MYO3A: variants seen among roughly 807,000 people sequenced by gnomAD.
MYO3A encodes the protein myosin-IIIa.
MYO3A carries 180 observed loss-of-function variants against 192.7 expected under a neutral mutation model. The ratio of observed to expected loss-of-function variants is 0.93; its 90% CI spans 0.83 to 1.06. MYO3A has a LOEUF of 1.06. MYO3A is among the 50% of genes least tolerant of loss of function. The probability of loss-of-function intolerance (pLI) is 0.00; values close to 1 mark genes in which losing one functional copy is unlikely to be tolerated. For synonymous variants in MYO3A, 628 were observed against 645.3 expected (o/e 0.97, Z 0.41); for missense variants, 1,896 against 1,905.0 (o/e 1.00, Z 0.09).
intron 6 of MYO3A, among the ~76,000 whole-genome samples, chr10:26,001,095 C>A (rs1328021451): frequency 6.6e-6 from 1 of 152,130 alleles, no homozygotes; most frequent in Non-Finnish European, 1.5e-5. Flanking sequence ...GTCCCTCCCC[C>A]AAATTACAAT....
At chr10:25,941,450 C>T (rs1376983162) in intron 2 of MYO3A, among the ~76,000 whole-genome samples, 1 of 152,124 alleles carries the variant, frequency 6.6e-6, no homozygotes, top group Non-Finnish European at 1.5e-5. Context: ...TTTGAGATGT[C>T]GGTCCCCGAG....
In MYO3A at chr10:26,026,470, A is replaced by G. The variant is rs1352447952; in HGVS notation, c.891A>G (p.Leu297=). ...AAATTGAGGGCAAAGATGTGATGCT[A>G]CAAAAACAACTAACGGAATTCATTG... ...ITQIEGKDVM[L]QKQLTEFIGI... is the part of the protein sequence containing the mutation. Residue 297 remains leucine, a synonymous_variant, in exon 10 of 35, where the codon CTA becomes CTG. Coordinates refer to ENST00000642920, the MANE Select transcript of MYO3A (RefSeq NM_017433.5). 3 of 1,614,196 alleles carry G rather than the reference A, an allele frequency of 1.9e-6. No homozygotes were observed. The highest frequency in any genetic ancestry group is 1.1e-5 in the South Asian group (1 of 91,086).
At chr10:26,106,489 T>C (rs1837808770) in intron 17 of MYO3A, among the ~76,000 whole-genome samples, 1 of 152,118 alleles carries the variant, frequency 6.6e-6, no homozygotes, top group African/African-American at 2.4e-5. Flanking sequence ...TGTCATGTCA[T>C]CATTTCTTTT....
chr10:26,011,980 T>C (rs1376519982), intron 6 of MYO3A, among the ~76,000 whole-genome samples: 1 of 152,084 alleles, frequency 6.6e-6, no homozygotes, highest in Non-Finnish European at 1.5e-5. Context: ...ATCACATAAA[T>C]AGAATTAAAA....
chr10:26,174,742 C>T (rs558073208), intron 30 of MYO3A, among the ~76,000 whole-genome samples, 185 bp downstream of exon 30: 33 of 152,102 alleles, frequency 2.2e-4, no homozygotes, highest in African/African-American at 6.3e-4. Flanking sequence ...CCCAATTTAC[C>T]GTGGTAACAA....
rs182245341 is a variant in MYO3A at position 26,039,690 on chromosome 10, A to G, written c.953+13158A>G. 8.6e-4 allele frequency among the ~76,000 whole-genome samples: 131 copies of G among 152,242 alleles called. 1 individual carries two copies. Among genetic ancestry groups the G allele is most frequent in the Non-Finnish European group, 1.1e-3 (78 of 68,006 alleles). On this transcript the variant is annotated intron_variant, in intron 10 of 34. Transcript: ENST00000642920. Reference sequence around the variant, plus strand: ...TGTATATTTGCTCATATTAGCTACCAAAGATCCTTTGAATTTCTGTGGTAT... The same window carrying G: ...TGTATATTTGCTCATATTAGCTACCGAAGATCCTTTGAATTTCTGTGGTAT...
At chr10:26,063,415 G>A (rs1288751032) in intron 10 of MYO3A, among the ~76,000 whole-genome samples, 3 of 152,020 alleles carry the variant, frequency 2.0e-5, no homozygotes, top group Non-Finnish European at 4.4e-5. Flanking sequence ...TTATCTTCTG[G>A]AGTTTTATGG....
rs150840992 is a variant in MYO3A, at chr10:25,992,999, G to A, written c.304-3491G>A. 6.8e-3 allele frequency among the ~76,000 whole-genome samples: 1,032 copies of A among 152,276 alleles called. 15 individuals carry two copies. The highest frequency in any genetic ancestry group is 0.024 in the African/African-American group (987 of 41,542). On this transcript the variant is annotated intron_variant, in intron 4 of 34. Transcript: ENST00000642920. The stretch of plus-strand genomic sequence containing the variant: ...TTTGTTGCATCTCTGCCAGGCTTTG[G>A]TATCAGGATGATGCTGGCCTCATAC...
At chr10:26,097,603 T>C (rs1837131929) in intron 17 of MYO3A, among the ~76,000 whole-genome samples, 1 of 152,100 alleles carries the variant, frequency 6.6e-6, no homozygotes, top group South Asian at 2.1e-4. Flanking sequence ...CTTCTCATTG[T>C]TCAGTTTCCA....
intron 2 of MYO3A, among the ~76,000 whole-genome samples, chr10:25,943,978 C>T (rs1410375024): frequency 6.6e-6 from 1 of 151,812 alleles, no homozygotes; most frequent in Non-Finnish European, 1.5e-5. Flanking sequence ...TGTCTTGTTC[C>T]TGATCTTAGG....
intron 14 of MYO3A, among the ~76,000 whole-genome samples, chr10:26,076,710 T>C (rs1458032281): frequency 6.6e-6 from 1 of 152,156 alleles, no homozygotes; most frequent in African/African-American, 2.4e-5. Flanking sequence ...TTCTCCTACA[T>C]GTGGCTAGCC....
intron 6 of MYO3A, among the ~76,000 whole-genome samples, chr10:26,000,743 A>G (rs920901943): frequency 2.6e-5 from 4 of 152,028 alleles, no homozygotes; most frequent in Admixed American, 2.6e-4. Context: ...TGAGCTTTTA[A>G]AAAGATAATG....
At chr10:26,080,499 T>C (rs1437782682) in intron 14 of MYO3A, among the ~76,000 whole-genome samples, 5 of 151,086 alleles carry the variant, frequency 3.3e-5, no homozygotes, top group Non-Finnish European at 7.4e-5. Flanking sequence ...ATTAGCTTAA[T>C]AACTAACCTC....
chr10:26,189,628 T>TG (rs1251315899), intron 31 of MYO3A, among the ~76,000 whole-genome samples: 1 of 152,186 alleles, frequency 6.6e-6, no homozygotes, highest in Non-Finnish European at 1.5e-5. Flanking sequence ...AAAGTCCATT[T>TG]GGGGGGAAAT....
intron 6 of MYO3A, among the ~76,000 whole-genome samples, chr10:26,000,268 A>G (rs1840706858): frequency 6.6e-6 from 1 of 152,212 alleles, no homozygotes; most frequent in Admixed American, 6.5e-5. Flanking sequence ...TAAATGTGCC[A>G]TAATCTTTCC....
intron 6 of MYO3A, among the ~76,000 whole-genome samples, chr10:25,998,950 T>G (rs1348028745): frequency 6.6e-6 from 1 of 152,178 alleles, no homozygotes; most frequent in African/African-American, 2.4e-5. Flanking sequence ...CAGGCTGGAG[T>G]GCAGTGGCAC....
At chr10:26,205,644 T>G (rs1391806257) in intron 34 of MYO3A, among the ~76,000 whole-genome samples, 1 of 135,468 alleles carries the variant, frequency 7.4e-6, no homozygotes, top group Non-Finnish European at 1.5e-5. Flanking sequence ...TGAGACAGAG[T>G]CTGGCTCTGT....
intron 20 of MYO3A, among the ~76,000 whole-genome samples, chr10:26,133,776 G>C (rs1190526877): frequency 6.6e-6 from 1 of 152,034 alleles, no homozygotes; most frequent in Non-Finnish European, 1.5e-5. Context: ...CAGAAGTTTT[G>C]ATAAAAAGTA....
At chr10:25,989,829 T>C (rs1389242311) in intron 4 of MYO3A, among the ~76,000 whole-genome samples, 1 of 152,088 alleles carries the variant, frequency 6.6e-6, no homozygotes, top group Non-Finnish European at 1.5e-5. Flanking sequence ...ATGGTTTCTT[T>C]AGTTCCCAAG....
Sources: allele counts gnomAD v4.1 joint callset (sites outside exome capture counted in the v4.1 genomes callset), GRCh38; gene constraint gnomAD v4.1.1; transcripts MANE v1.5; gene names NCBI Gene and HGNC (gene_info 2026-07-23, HGNC 2026-07-21).